RAB40C: variants seen among roughly 807,000 people sequenced by gnomAD.
RAB40C encodes the protein RAB40C, member RAS oncogene family.
Under a neutral mutation model 28.1 loss-of-function variants are expected in RAB40C, and 8 were observed. The ratio of observed to expected loss-of-function variants is 0.28; its 90% CI spans 0.17 to 0.51. The LOEUF (loss-of-function observed/expected upper bound fraction) is 0.51. Among genes scored for constraint, RAB40C ranks in the 20% least tolerant of loss-of-function variants. RAB40C has a pLI of 0.97. For synonymous variants in RAB40C, 201 were observed against 171.7 expected (o/e 1.17, Z -1.34); for missense variants, 288 against 405.9 (o/e 0.71, Z 2.50).
At chr16:592,016 T>G (rs1049271955) in intron 1 of RAB40C, among the ~76,000 whole-genome samples, 1 of 152,172 alleles carries the variant, frequency 6.6e-6, no homozygotes, top group Non-Finnish European at 1.5e-5. Context: ...AGTGAGACGG[T>G]GTGGTCCTCA....
intron 1 of RAB40C, among the ~76,000 whole-genome samples, chr16:614,973 C>T (rs975300579): frequency 6.6e-6 from 1 of 152,252 alleles, no homozygotes; most frequent in African/African-American, 2.4e-5. Context: ...GGGTGCAGCT[C>T]CTGCAGTCAT....
intron 1 of RAB40C, chr16:596,537 G>C: frequency 5.9e-6 from 2 of 337,458 alleles, no homozygotes; most frequent in South Asian, 4.4e-5. Flanking sequence ...AGTAAGCAGG[G>C]AAAGGTGTCG....
At chr16:615,394 C>T (rs1156513506) in intron 1 of RAB40C, among the ~76,000 whole-genome samples, 4 of 152,184 alleles carry the variant, frequency 2.6e-5, no homozygotes, top group African/African-American at 9.7e-5. Flanking sequence ...GCCCACTGGG[C>T]AGGTGCACTC....
At chr16:623,892 A>G (rs2036772873) in intron 3 of RAB40C, 1 of 939,678 alleles carries the variant, frequency 1.1e-6, no homozygotes, top group African/African-American at 1.8e-5. Flanking sequence ...TGATCGTGCC[A>G]CTGCATGAAC....
chr16:626,041 A>T lies in RAB40C; in HGVS notation c.485A>T (p.Asn162Ile). 2 of 1,613,436 alleles carry T rather than the reference A, an allele frequency of 1.2e-6. No homozygotes were observed. Among genetic ancestry groups the T allele is most frequent in the Non-Finnish European group, 1.7e-6 (2 of 1,179,988 alleles). The change falls in exon 5 of 6, where the codon AAC becomes ATC. Residue 162 changes from asparagine (N) to isoleucine (I), a missense_variant. Physicochemically the swap from Asn to Ile is moderately radical, Grantham distance 149 (BLOSUM62 -3). Around this residue, in one of 3 missense-constraint regions of RAB40C, gnomAD observed 153 missense variants for 262.4 expected, o/e 0.58. Coordinates refer to ENST00000248139, the MANE Select transcript of RAB40C (RefSeq NM_021168.5). ...FFEVSPLCNF[N>I]VIESFTELSR... ...GAGGTCAGCCCCCTGTGCAACTTCAACGTCATCGAGTCCTTCACGGAGCTA... is the reference window on the plus strand; with the variant it reads ...GAGGTCAGCCCCCTGTGCAACTTCATCGTCATCGAGTCCTTCACGGAGCTA...
chr16:621,264 C>G (rs2036710384), intron 3 of RAB40C, among the ~76,000 whole-genome samples: 1 of 152,248 alleles, frequency 6.6e-6, no homozygotes, highest in Admixed American at 6.5e-5. Context: ...TGTGTCTCTC[C>G]TGCCTGGTGA....
intron 5 of RAB40C, among the ~76,000 whole-genome samples, chr16:626,879 A>T (rs2036848305): frequency 6.6e-6 from 1 of 152,244 alleles, no homozygotes; most frequent in Admixed American, 6.5e-5. Context: ...CGGAGGTTGC[A>T]GTGAGCGGAG....
chr16:598,259 T>C (rs2036174516), intron 1 of RAB40C, among the ~76,000 whole-genome samples: 1 of 151,674 alleles, frequency 6.6e-6, no homozygotes, highest in Non-Finnish European at 1.5e-5. Context: ...GCACCTGTAG[T>C]CCCAGCTACT....
chr16:601,348 T>C (rs1255495905), intron 1 of RAB40C, among the ~76,000 whole-genome samples: 1 of 152,156 alleles, frequency 6.6e-6, no homozygotes, highest in Non-Finnish European at 1.5e-5. Flanking sequence ...AGGTGTTACA[T>C]TTGCCCTAGG....
chr16:595,600 C>A (rs1232384781), intron 1 of RAB40C, among the ~76,000 whole-genome samples: 4 of 146,002 alleles, frequency 2.7e-5, no homozygotes, highest in Non-Finnish European at 4.6e-5. Flanking sequence ...TAACTTTTTT[C>A]TTCTTTTTTT....
At chr16:623,974 C>T (rs1183992879) in intron 3 of RAB40C, 6 of 985,296 alleles carry the variant, frequency 6.1e-6, no homozygotes, top group East Asian at 2.3e-4. Context: ...CTGGGACCTG[C>T]GTTCTTACCT....
intron 3 of RAB40C, among the ~76,000 whole-genome samples, chr16:619,874 C>T (rs569079284): frequency 1.4e-4 from 22 of 152,222 alleles, no homozygotes; most frequent in Non-Finnish European, 3.1e-4. Flanking sequence ...GATCTGATGT[C>T]TTCTACCTGC....
chr16:605,370 A>G (rs551219296), intron 1 of RAB40C, among the ~76,000 whole-genome samples: 7 of 152,234 alleles, frequency 4.6e-5, no homozygotes, highest in Admixed American at 3.9e-4. Flanking sequence ...TTGAGGTGTA[A>G]TTTGTGTACA....
At chr16:597,015 G>A (rs1427131453) in intron 1 of RAB40C, among the ~76,000 whole-genome samples, 3 of 152,190 alleles carry the variant, frequency 2.0e-5, no homozygotes, top group Non-Finnish European at 2.9e-5. Flanking sequence ...GGGCATTGGC[G>A]CTGTGGAGAG....
chr16:594,088 G>C (rs367555419), intron 1 of RAB40C, among the ~76,000 whole-genome samples: 63 of 152,296 alleles, frequency 4.1e-4, no homozygotes, highest in African/African-American at 1.5e-3. Flanking sequence ...AGCCGCTCCC[G>C]CTCTGCAGGG....
chr16:627,733 C>T lies in RAB40C; in HGVS notation c.*111C>T. ...GTGGAGACTGTCCACACAGCTGCCTCAGAAGCGCCGGGCTTTCCTCACACC... is the reference window on the plus strand; with the variant it reads ...GTGGAGACTGTCCACACAGCTGCCTTAGAAGCGCCGGGCTTTCCTCACACC... On this transcript the variant is annotated 3_prime_UTR_variant, in exon 6 of 6. Transcript: ENST00000248139. 7.6e-7 allele frequency: 1 copy of T among 1,320,976 alleles called. No individual in the cohort carries two copies. Among genetic ancestry groups the T allele is most frequent in the South Asian group, 1.5e-5 (1 of 65,288 alleles). 81.8% of individuals were successfully genotyped at this position (1,320,976 alleles called of 1,614,324 possible). A position where few individuals can be genotyped will look rare whatever the true frequency, so the allele number is the denominator to read the frequency against.
At chr16:590,981 G>A (rs2035983562) in intron 1 of RAB40C, among the ~76,000 whole-genome samples, 1 of 150,310 alleles carries the variant, frequency 6.7e-6, no homozygotes, top group Non-Finnish European at 1.5e-5. Flanking sequence ...TCATGGTCCC[G>A]GTAGAAGGCG....
chr16:607,403 T>C (rs2151068569), intron 1 of RAB40C, among the ~76,000 whole-genome samples: 1 of 150,264 alleles, frequency 6.7e-6, no homozygotes, highest in East Asian at 2.0e-4. Flanking sequence ...CTCGGGAGGC[T>C]GAGGCAGGAG....
At position 626,216 on chromosome 16, in the gene RAB40C, G is replaced by A. The variant is rs559256326; in HGVS notation, c.565+95G>A. On this transcript the variant is annotated intron_variant, in intron 5 of 5. Coordinates refer to ENST00000248139, the MANE Select transcript of RAB40C (RefSeq NM_021168.5). ...GGGGGGCCAGGGGCCAGTGAGGGAG[G>A]TTCAGGCAGGTCCCTTGGCAACGCG... 4.5e-5 allele frequency: 58 copies of A among 1,292,054 alleles called. No individual in the cohort carries two copies. In the Admixed American group the frequency reaches 6.1e-4, roughly 14 times the overall value. The allele number at this position is 1,292,054 out of a possible 1,614,324, so 80.0% of individuals were successfully genotyped here.
Sources: allele counts gnomAD v4.1 joint callset (sites outside exome capture counted in the v4.1 genomes callset), GRCh38; gene constraint gnomAD v4.1.1; regional missense constraint gnomAD v4.1.1; transcripts MANE v1.5; gene names NCBI Gene and HGNC (gene_info 2026-07-23, HGNC 2026-07-21).